B3GALT1: variants seen among roughly 807,000 people sequenced by gnomAD.
B3GALT1 encodes beta-1,3-galactosyltransferase 1.
Under a neutral mutation model 23.2 loss-of-function variants are expected in B3GALT1, and 10 were observed. The ratio of observed to expected loss-of-function variants is 0.43; its 90% CI spans 0.27 to 0.73. The LOEUF is 0.73. B3GALT1 is among the 30% of genes least tolerant of loss of function. B3GALT1 has a pLI of 0.21. For missense variants in B3GALT1, 299 were observed against 405.4 expected (o/e 0.74, Z 2.25); for synonymous variants, 156 against 141.5 (o/e 1.10, Z -0.73).
chr2:167,735,931 G>A (rs1687485183), intron 3 of B3GALT1, among the ~76,000 whole-genome samples: 1 of 152,160 alleles, frequency 6.6e-6, no homozygotes, highest in Non-Finnish European at 1.5e-5. Flanking sequence ...AGGATGAGGA[G>A]GAGGAAGAAT....
chr2:167,435,307 C>G (rs1698765102), intron 1 of B3GALT1, among the ~76,000 whole-genome samples: 1 of 151,210 alleles, frequency 6.6e-6, no homozygotes, highest in Non-Finnish European at 1.5e-5. Context: ...AACATTACAT[C>G]TTTATTCTAA....
At chr2:167,665,046 T>C (rs1263660074) in intron 3 of B3GALT1, among the ~76,000 whole-genome samples, 8 of 152,022 alleles carry the variant, frequency 5.3e-5, no homozygotes, top group African/African-American at 7.3e-5. Flanking sequence ...GTGCCAGTTT[T>C]CAAAGGGAAT....
intron 3 of B3GALT1, among the ~76,000 whole-genome samples, chr2:167,769,658 A>G (rs1416574240): frequency 6.6e-6 from 1 of 152,170 alleles, no homozygotes; most frequent in East Asian, 1.9e-4. Context: ...ATAGCATCAT[A>G]CAATATATAG....
chr2:167,848,989 A>G (rs909459291), intron 4 of B3GALT1, among the ~76,000 whole-genome samples: 1 of 152,102 alleles, frequency 6.6e-6, no homozygotes, highest in Non-Finnish European at 1.5e-5. Flanking sequence ...AATAGCTGCA[A>G]AAAAAATAAA....
intron 3 of B3GALT1, among the ~76,000 whole-genome samples, chr2:167,724,640 G>C (rs924312766): frequency 6.6e-6 from 1 of 152,072 alleles, no homozygotes; most frequent in South Asian, 2.1e-4. Flanking sequence ...TTTTAAAGAA[G>C]CAATACATTC....
At chr2:167,500,148 T>C (rs960985305) in intron 2 of B3GALT1, among the ~76,000 whole-genome samples, 4 of 152,170 alleles carry the variant, frequency 2.6e-5, no homozygotes, top group Non-Finnish European at 4.4e-5. Flanking sequence ...TCCTAGTCCC[T>C]GGTAAAAGCC....
At chr2:167,542,611 C>G (rs1362476445) in intron 2 of B3GALT1, among the ~76,000 whole-genome samples, 1 of 152,094 alleles carries the variant, frequency 6.6e-6, no homozygotes, top group Non-Finnish European at 1.5e-5. Flanking sequence ...TGGAAGGACT[C>G]TGATCCACTT....
chr2:167,675,106 G>T (rs1318976817), intron 3 of B3GALT1, among the ~76,000 whole-genome samples: 4 of 152,134 alleles, frequency 2.6e-5, no homozygotes, highest in Non-Finnish European at 5.9e-5. Flanking sequence ...CTCTTGTTTA[G>T]CACACACAGG....
chr2:167,354,536 G>C (rs1697369456), intron 1 of B3GALT1, among the ~76,000 whole-genome samples: 1 of 151,946 alleles, frequency 6.6e-6, no homozygotes, highest in Non-Finnish European at 1.5e-5. Context: ...TAGTAGAGAT[G>C]GGGTTTCACC....
At chr2:167,425,813 A>G (rs1317891279) in intron 1 of B3GALT1, among the ~76,000 whole-genome samples, 1 of 152,200 alleles carries the variant, frequency 6.6e-6, no homozygotes, top group Non-Finnish European at 1.5e-5. Flanking sequence ...TGAGCACAGG[A>G]GATGCATGTG....
chr2:167,671,283 G>A (rs1226462724), intron 3 of B3GALT1, among the ~76,000 whole-genome samples: 1 of 152,068 alleles, frequency 6.6e-6, no homozygotes, highest in East Asian at 1.9e-4. Flanking sequence ...AGGAAACAGT[G>A]GGAGGAATAA....
At chr2:167,743,628 C>T (rs1360062574) in intron 3 of B3GALT1, among the ~76,000 whole-genome samples, 1 of 151,892 alleles carries the variant, frequency 6.6e-6, no homozygotes, top group Non-Finnish European at 1.5e-5. Flanking sequence ...ATATGTTTCT[C>T]TTTATTTTGT....
intron 3 of B3GALT1, among the ~76,000 whole-genome samples, chr2:167,732,847 A>G (rs2105267215): frequency 1.3e-5 from 2 of 152,364 alleles, no homozygotes; most frequent in South Asian, 4.1e-4. Flanking sequence ...TCTTTTGATG[A>G]CTTAGGAAGA....
Position 167,668,689 on chromosome 2 carries a change from C to T in B3GALT1, c.-352+21723C>T, listed in dbSNP as rs535404540. On this transcript the variant is annotated intron_variant, in intron 3 of 4. Coordinates refer to ENST00000392690, the MANE Select transcript of B3GALT1 (RefSeq NM_020981.4). ...TTAAGCCCATCGGAAAAGCAGTCTT[C>T]GGGTGGGAGTGACCCGATTTTCCAG... Among the ~76,000 whole-genome samples the T allele has an allele frequency of 5.2e-4, 79 of 152,264 alleles. 1 individual carries two copies. The South Asian group carries it at 0.012, about 23-fold the overall frequency.
intron 3 of B3GALT1, among the ~76,000 whole-genome samples, chr2:167,692,794 G>C (rs985585678): frequency 7.2e-5 from 11 of 152,076 alleles, no homozygotes; most frequent in African/African-American, 2.4e-4. Flanking sequence ...ACAAATAAAT[G>C]ATTTTTTAAA....
At chr2:167,819,003 T>A (rs1344082972) in intron 4 of B3GALT1, among the ~76,000 whole-genome samples, 3 of 152,202 alleles carry the variant, frequency 2.0e-5, no homozygotes. Flanking sequence ...TTTTTTAAAA[T>A]TTTTAATTGT....
chr2:167,520,246 A>C (rs554788446), intron 2 of B3GALT1, among the ~76,000 whole-genome samples: 1 of 152,274 alleles, frequency 6.6e-6, no homozygotes, highest in African/African-American at 2.4e-5. Context: ...GGATTGTGGG[A>C]ATTTAACCAT....
intron 2 of B3GALT1, among the ~76,000 whole-genome samples, chr2:167,570,866 A>G (rs1382972116): frequency 6.6e-6 from 1 of 151,952 alleles, no homozygotes; most frequent in Admixed American, 6.6e-5. Flanking sequence ...ACATTAGCAA[A>G]TCTACTTCTT....
intron 3 of B3GALT1, among the ~76,000 whole-genome samples, chr2:167,699,770 T>C (rs1018985416): frequency 2.6e-5 from 4 of 152,274 alleles, no homozygotes; most frequent in Admixed American, 6.5e-5. Flanking sequence ...TGGACTACAA[T>C]GATGCGATCT....
Sources: allele counts gnomAD v4.1 joint callset (sites outside exome capture counted in the v4.1 genomes callset), GRCh38; gene constraint gnomAD v4.1.1; transcripts MANE v1.5; gene names NCBI Gene and HGNC (gene_info 2026-07-23, HGNC 2026-07-21).